Variants in FAM216A observed in about 807,000 individuals in gnomAD.
FAM216A encodes the protein protein FAM216A.
FAM216A carries 26 observed loss-of-function variants against 37.6 expected under a neutral mutation model. The observed-to-expected ratio is 0.69, with a 90% CI of 0.51 to 0.96. FAM216A has a LOEUF of 0.96. FAM216A is among the 40% of genes least tolerant of loss of function. The pLI, the probability that FAM216A is intolerant of heterozygous loss-of-function variation, is 0.00. For missense variants in FAM216A, 326 were observed against 339.3 expected, an observed-to-expected ratio of 0.96 and a Z score of 0.31; for synonymous variants, 110 against 121.7, an observed-to-expected ratio of 0.90 and a Z score of 0.64.
At chr12:110,483,061 C>G (rs1228203356) in intron 2 of FAM216A, among the ~76,000 whole-genome samples, 1 of 152,042 alleles carries the variant, frequency 6.6e-6, no homozygotes, top group Admixed American at 6.6e-5. Context: ...CGCGGTGGCT[C>G]ATGCCTGCAA....
chr12:110,468,677 T>G, upstream of FAM216A: 1 of 1,532,060 alleles, frequency 6.5e-7, no homozygotes, highest in South Asian at 1.2e-5. Flanking sequence ...CACAGAGAGG[T>G]GCAAACGTGC....
chr12:110,468,755 C>G, upstream of FAM216A: 1 of 1,480,328 alleles, frequency 6.8e-7, no homozygotes, highest in Non-Finnish European at 9.0e-7. Flanking sequence ...GATCTGCCCG[C>G]CCCGCTCTCC....
chr12:110,482,215 G>A (rs1324395454), intron 2 of FAM216A, among the ~76,000 whole-genome samples: 1 of 151,898 alleles, frequency 6.6e-6, no homozygotes, highest in African/African-American at 2.4e-5. Flanking sequence ...CTGAGTAGCT[G>A]GGACTACAGG....
rs1031856308 is a variant in FAM216A at position 110,468,856 on chromosome 12, C to T, written c.-20C>T. The T allele has an allele frequency of 6.7e-7, 1 of 1,485,144 alleles. No individual in the cohort carries two copies. The highest frequency in any genetic ancestry group is 1.4e-5 in the African/African-American group (1 of 71,630). The allele number at this position is 1,485,144 out of a possible 1,614,324, so 92.0% of individuals were successfully genotyped here. A position where few individuals can be genotyped will look rare whatever the true frequency, so the allele number is the denominator to read the frequency against. ...TCCGGAATACCAGCAGCCTGACGCA[C>T]GCGTGCTGTCGGGGGAGGGATGCTG... is the stretch of plus-strand genomic sequence containing the variant. On this transcript the variant is annotated 5_prime_UTR_variant, in exon 1 of 7. The change creates a new upstream start codon in the 5' untranslated region. Transcript: ENST00000377673.
At chr12:110,472,811 C>T (rs1458778208) in intron 1 of FAM216A, among the ~76,000 whole-genome samples, 4 of 150,930 alleles carry the variant, frequency 2.7e-5, no homozygotes, top group South Asian at 4.2e-4. Flanking sequence ...ATGGTGAAAC[C>T]GTCTGTACTA....
At chr12:110,484,738 A>G (rs1488028413) in intron 2 of FAM216A, among the ~76,000 whole-genome samples, 5 of 151,732 alleles carry the variant, frequency 3.3e-5, no homozygotes, top group Non-Finnish European at 7.4e-5. Context: ...AATCACTGAC[A>G]CATGTAAATA....
chr12:110,485,047 T>C, intron 2 of FAM216A, 31 bp from the exon 3 acceptor site: 3 of 1,590,522 alleles, frequency 1.9e-6, no homozygotes, highest in Non-Finnish European at 2.6e-6. Context: ...GATCTTTGCC[T>C]CTGAAATTCA....
At chr12:110,470,097 C>CT (rs1445521379) in intron 1 of FAM216A, among the ~76,000 whole-genome samples, 2 of 149,996 alleles carry the variant, frequency 1.3e-5, no homozygotes, top group Non-Finnish European at 3.0e-5. Context: ...CATGGCCATC[C>CT]TTTTTGTTTT....
chr12:110,487,887 C>G lies in FAM216A; in HGVS notation c.647C>G (p.Thr216Arg). 1 of 1,606,044 alleles carries G rather than the reference C, an allele frequency of 6.2e-7. No homozygotes were observed. The highest frequency in any genetic ancestry group is 8.5e-7 in the Non-Finnish European group (1 of 1,174,514). The change falls in exon 6 of 7, where the codon ACA (threonine) becomes AGA (arginine). Residue 216 changes from threonine (T) to arginine (R), a missense_variant. Coordinates refer to ENST00000377673, the MANE Select transcript of FAM216A (RefSeq NM_013300.3). Reference protein sequence around the residue: ...EGIKTGYASKTRCKSLKIFRR... With the variant: ...EGIKTGYASKRRCKSLKIFRR... ...ATAAAAACTGGATATGCATCTAAAA[C>G]AAGATGTAAGTCACTGAAGATTTTT...
chr12:110,469,032 C>T lies in FAM216A; in HGVS notation c.143+14C>T. On this transcript the variant is annotated intron_variant, in intron 1 of 6. Transcript: ENST00000377673. The stretch of plus-strand genomic sequence containing the variant: ...TGGCGGCGGCGGGTGAGGTTGGGGG[C>T]CCCGGGGTAAGGGTGGCAGCATGGG... 1 of 1,452,648 alleles carries T rather than the reference C, an allele frequency of 6.9e-7. No homozygotes were observed. The highest frequency in any genetic ancestry group is 1.4e-5 in the South Asian group (1 of 73,348). The allele number at this position is 1,452,648 out of a possible 1,614,324, so 90.0% of individuals were successfully genotyped here.
intron 2 of FAM216A, among the ~76,000 whole-genome samples, chr12:110,479,304 T>C (rs2135548057): frequency 6.6e-6 from 1 of 152,232 alleles, no homozygotes; most frequent in Non-Finnish European, 1.5e-5. Context: ...GAAATGTGTG[T>C]GCATTTACCT....
Position 110,484,319 on chromosome 12 carries a change from C to T in FAM216A, c.185-759C>T, listed in dbSNP as rs367901940. 2.3e-3 allele frequency among the ~76,000 whole-genome samples: 326 copies of T among 143,574 alleles called. 3 individuals carry two copies. The highest frequency in any genetic ancestry group is 0.018 in the South Asian group (81 of 4,436). The allele number at this position is 143,574 out of a possible 152,430, so 94.2% of individuals were successfully genotyped here. The stretch of plus-strand genomic sequence containing the variant: ...GCAGGTGCCTGTAGTCCCAGCTACT[C>T]GGGAGACTGAGACAGAAGAATGGCA... On this transcript the variant is annotated intron_variant, in intron 2 of 6. Coordinates refer to ENST00000377673, the MANE Select transcript of FAM216A (RefSeq NM_013300.3).
chr12:110,479,707 G>A (rs768090532), intron 2 of FAM216A, among the ~76,000 whole-genome samples: 3 of 151,650 alleles, frequency 2.0e-5, no homozygotes, highest in African/African-American at 2.4e-5. Flanking sequence ...GCATGGTGGC[G>A]CGTGTCTGTA....
chr12:110,473,018 T>G, intron 1 of FAM216A, 60 bp from the exon 2 acceptor site: 1 of 747,620 alleles, frequency 1.3e-6, no homozygotes, highest in Non-Finnish European at 2.1e-6. Context: ...AAATATGTTG[T>G]TCAGTGCTTG....
At position 110,486,737 on chromosome 12, in the gene FAM216A, A is replaced by AG. The variant is rs765025781; in HGVS notation, c.620+26dup. ...AGAAGGGTCTGTTTCTTAGTGTAAA[A>AG]GGGGGGAAATGCATCTCAGTTTAAT... On this transcript the variant is annotated intron_variant, in intron 5 of 6. Coordinates refer to ENST00000377673, the MANE Select transcript of FAM216A (RefSeq NM_013300.3). 1.3e-6 allele frequency: 2 copies of AG among 1,590,840 alleles called. No individual in the cohort carries two copies. Among genetic ancestry groups the AG allele is most frequent in the Non-Finnish European group, 1.7e-6 (2 of 1,171,158 alleles).
chr12:110,488,444 A>G (rs1428613960), intron 6 of FAM216A, among the ~76,000 whole-genome samples: 3 of 151,874 alleles, frequency 2.0e-5, no homozygotes, highest in South Asian at 2.1e-4. Context: ...AAAAGAAAAA[A>G]AGAACATACT....
At chr12:110,487,805 C>A in intron 5 of FAM216A, 56 bp from the exon 6 acceptor site, 1 of 1,046,292 alleles carries the variant, frequency 9.6e-7, no homozygotes. Flanking sequence ...CTTCCACATG[C>A]CCTAGGCAGC....
chr12:110,468,438 A>C (rs749249726), upstream of FAM216A: 128 of 1,535,120 alleles, frequency 8.3e-5, no homozygotes, highest in Admixed American at 2.0e-4. Flanking sequence ...GTTGATGGAA[A>C]TCGGCCGTTG....
intron 2 of FAM216A, among the ~76,000 whole-genome samples, chr12:110,476,428 T>C (rs1035743598): frequency 1.3e-5 from 2 of 151,792 alleles, no homozygotes; most frequent in African/African-American, 4.8e-5. Context: ...CAGGATGGTC[T>C]CAATCTCCTG....
Sources: gnomAD v4.1 joint callset for allele counts (sites outside exome capture counted in the v4.1 genomes callset) on GRCh38, gnomAD v4.1.1 for gene constraint, MANE v1.5 for transcripts, NCBI Gene and HGNC (gene_info 2026-07-23, HGNC 2026-07-21) for gene names.